SLX4: variants seen among roughly 807,000 people sequenced by gnomAD.
SLX4 encodes the protein structure-specific endonuclease subunit SLX4.
SLX4 carries 112 observed loss-of-function variants against 146.2 expected under a neutral mutation model. The observed-to-expected ratio is 0.77, with a 90% CI of 0.66 to 0.90. The LOEUF (loss-of-function observed/expected upper bound fraction) is 0.90. Among genes scored for constraint, SLX4 ranks in the 40% least tolerant of loss-of-function variants. The pLI is 0.00. For missense variants in SLX4, 2,563 were observed against 2,392.7 expected (o/e 1.07, Z -1.49); for synonymous variants, 1,061 against 997.7 (o/e 1.06, Z -1.20).
At chr16:3,582,785 G>T (rs2040455872) in intron 14 of SLX4, 92 bp from the exon 15 acceptor site, 2 of 1,204,802 alleles carry the variant, frequency 1.7e-6, no homozygotes, top group East Asian at 2.5e-5. Context: ...GTGTCTACGG[G>T]TCCCATGGAG....
chr16:3,590,933 T>C lies in SLX4; in HGVS notation c.2705A>G (p.Lys902Arg). Residue 902 changes from lysine (K) to arginine (R), a missense_variant, in exon 12 of 15, where the codon AAG becomes AGG. Physicochemically the swap from Lys to Arg is conservative, Grantham distance 26. Transcript: ENST00000294008. The surrounding 1 kb of genome is among the most constrained non-coding windows in gnomAD (Gnocchi z 4.8). ...AGVQVQKQWD[K>R]VEEMEPLEPG... ...CTCCAACGGCTCCATCTCCTCCACC[T>C]TGTCCCACTGTTTCTGCACCTGGAC... 1 of 1,614,138 alleles carries C rather than the reference T, an allele frequency of 6.2e-7. No individual in the cohort carries two copies.
chr16:3,596,767 C>T (rs952469564), intron 7 of SLX4, among the ~76,000 whole-genome samples: 6 of 151,950 alleles, frequency 3.9e-5, no homozygotes, highest in East Asian at 1.9e-4. Flanking sequence ...GTGTGTGCTC[C>T]GAATGCCAGT....
Position 3,596,067 on chromosome 16 carries a change from A to G in SLX4, c.1924+86T>C, listed in dbSNP as rs1319556162. ...GTCAGAGCTGCCGTCGCGGCGGCAC[A>G]AGAGCCAGTCCATGGCAGCCTCAGC... On this transcript the variant is annotated intron_variant, in intron 8 of 14. Transcript: ENST00000294008. 2.7e-6 allele frequency: 4 copies of G among 1,493,342 alleles called. No individual in the cohort carries two copies. In the East Asian group the frequency reaches 7.4e-5, roughly 28 times the overall value. 92.5% of individuals were successfully genotyped at this position (1,493,342 alleles called of 1,614,324 possible).
chr16:3,593,012 T>A (rs2040611126), intron 10 of SLX4, 147 bp from the exon 11 acceptor site: 2 of 746,920 alleles, frequency 2.7e-6, no homozygotes. Flanking sequence ...CAGGCTAGAG[T>A]ACAGTGGTGT....
intron 5 of SLX4, among the ~76,000 whole-genome samples, chr16:3,600,164 T>C (rs1164732202): frequency 6.6e-6 from 1 of 152,166 alleles, no homozygotes. Flanking sequence ...TAAGGAGAGC[T>C]CAACCTAGAT....
intron 4 of SLX4, 134 bp downstream of exon 4, chr16:3,601,984 A>T: frequency 3.1e-6 from 3 of 982,028 alleles, no homozygotes; most frequent in Non-Finnish European, 4.7e-6. Flanking sequence ...AGTTATTTTT[A>T]AAAAGGGGTA....
At chr16:3,608,154 C>CT (rs1284125876) in intron 2 of SLX4, among the ~76,000 whole-genome samples, 1 of 152,140 alleles carries the variant, frequency 6.6e-6, no homozygotes, top group Admixed American at 6.5e-5. Context: ...ACCTCCAGCT[C>CT]TAAATTTTTT....
In SLX4 at chr16:3,589,379, G is replaced by C. The variant is rs756605546; in HGVS notation, c.4259C>G (p.Pro1420Arg). Reference sequence around the variant, plus strand: ...CCAGCAGCAGTCGTCAATTGGAATTGGGGGGTCACTGTCCAGTGGGGGGCT... The same window carrying C: ...CCAGCAGCAGTCGTCAATTGGAATTCGGGGGTCACTGTCCAGTGGGGGGCT... ...NRSPPLDSDPPIPIDDCCWHM... is the reference protein window; with the variant it reads ...NRSPPLDSDPRIPIDDCCWHM... The change falls in exon 12 of 15, where the codon CCA (proline) becomes CGA (arginine). Residue 1420 changes from proline (P) to arginine (R), a missense_variant. Coordinates refer to ENST00000294008, the MANE Select transcript of SLX4 (RefSeq NM_032444.4). The surrounding 1 kb of genome is among the most constrained non-coding windows in gnomAD (Gnocchi z 6.2). 5 of 1,591,974 alleles carry C rather than the reference G, an allele frequency of 3.1e-6. No individual in the cohort carries two copies. The highest frequency in any genetic ancestry group is 4.3e-6 in the Non-Finnish European group (5 of 1,166,252).
chr16:3,589,804 G>C lies in SLX4; in HGVS notation c.3834C>G (p.Leu1278=). The change falls in exon 12 of 15, where the codon CTC becomes CTG. Residue 1278 remains leucine (L), a synonymous_variant. Coordinates refer to ENST00000294008, the MANE Select transcript of SLX4 (RefSeq NM_032444.4). The surrounding 1 kb of genome is among the most constrained non-coding windows in gnomAD (Gnocchi z 6.2). ...DCSSQTQISS[L]RSGLAVQAVT... is the part of the protein sequence containing the mutation. The stretch of plus-strand genomic sequence containing the variant: ...CCGCCTGCACGGCCAGCCCGCTCCT[G>C]AGGCTGCTGATTTGGGTCTGGGAAG... The C allele has an allele frequency of 6.2e-7, 1 of 1,613,408 alleles. No individual in the cohort carries two copies. The highest frequency in any genetic ancestry group is 8.5e-7 in the Non-Finnish European group (1 of 1,180,018).
chr16:3,602,157 G>A lies in SLX4; in HGVS notation c.911C>T (p.Ser304Leu), dbSNP rs764244769. The A allele has an allele frequency of 6.2e-7, 1 of 1,614,158 alleles. No homozygotes were observed. Among genetic ancestry groups the A allele is most frequent in the South Asian group, 1.1e-5 (1 of 91,078 alleles). The change falls in exon 4 of 15, where the codon TCA becomes TTA. Residue 304 changes from serine (S) to leucine (L), a missense_variant. Physicochemically the swap from Ser to Leu is moderately radical, Grantham distance 145. Coordinates refer to ENST00000294008, the MANE Select transcript of SLX4 (RefSeq NM_032444.4). ...FFCQICQKNL[S>L]AMNVTRREQH... ...TTCCCTTCGGGTCACGTTCATGGCTGAGAGGTTCTTTTGACAAATCTGGCA... is the reference window on the plus strand; with the variant it reads ...TTCCCTTCGGGTCACGTTCATGGCTAAGAGGTTCTTTTGACAAATCTGGCA...
rs200473811 is a variant in SLX4 at position 3,582,411 on chromosome 16, G to A, written c.5436C>T (p.Ala1812=). The change falls in exon 15 of 15, where the codon GCC becomes GCT. Residue 1812 remains alanine (A), a synonymous_variant. Transcript: ENST00000294008. Reference sequence around the variant, plus strand: ...TGCCCTGGAGCTTCTCCCTGCGGGTGGCGGCAGTGGTGAAGGTGATACAGT... The same window carrying A: ...TGCCCTGGAGCTTCTCCCTGCGGGTAGCGGCAGTGGTGAAGGTGATACAGT... The part of the protein sequence containing the change: ...DTHCITFTTA[A]TRREKLQGRR... 1.1e-5 allele frequency: 18 copies of A among 1,613,896 alleles called. No individual in the cohort carries two copies. In the East Asian group the frequency reaches 3.6e-4, roughly 32 times the overall value.
In SLX4 at chr16:3,608,725, G is replaced by C; in HGVS notation, c.240C>G (p.Ala80=). 1 of 1,614,154 alleles carries C rather than the reference G, an allele frequency of 6.2e-7. No homozygotes were observed. The highest frequency in any genetic ancestry group is 1.3e-5 in the African/African-American group (1 of 75,034). Residue 80 remains alanine, a synonymous_variant, in exon 2 of 15, where the codon GCC becomes GCG. Transcript: ENST00000294008. ...VSGERKTQKA[A]SNGTQIRSKL... ...TGCTTCTTATCTGAGTGCCGTTTGA[G>C]GCAGCCTTTTGTGTCTTCCTTTCTC... is the stretch of plus-strand genomic sequence containing the variant.
chr16:3,610,865 G>A (rs2040856086), intron 1 of SLX4, among the ~76,000 whole-genome samples: 1 of 152,182 alleles, frequency 6.6e-6, no homozygotes, highest in African/African-American at 2.4e-5. Context: ...AAACGCTGCG[G>A]GGAGAGGAAA....
rs761658695 is a variant in SLX4, at chr16:3,589,280, C to T, written c.4358G>A (p.Ser1453Asn). ...GGCCTCGTTCATCCTGCGGCTGGGG[C>T]TGCTGGTGCTCAGGGGGCCGGTCCG... ...LERTGPLSTS[S>N]PSRRMNEAAD... Residue 1453 changes from serine (S) to asparagine (N), a missense_variant, in exon 12 of 15, where the codon AGC becomes AAC. Coordinates refer to ENST00000294008, the MANE Select transcript of SLX4 (RefSeq NM_032444.4). The surrounding 1 kb of genome is among the most constrained non-coding windows in gnomAD (Gnocchi z 6.2). 2 of 1,594,520 alleles carry T rather than the reference C, an allele frequency of 1.3e-6. No homozygotes were observed. The highest frequency in any genetic ancestry group is 1.7e-6 in the Non-Finnish European group (2 of 1,168,792).
rs571005004 is a variant in SLX4 at position 3,611,350 on chromosome 16, C to G, written c.-603+210G>C. 4.6e-5 allele frequency among the ~76,000 whole-genome samples: 7 copies of G among 152,374 alleles called. No homozygotes were observed. In the South Asian group the frequency reaches 6.2e-4, roughly 14 times the overall value. On this transcript the variant is annotated intron_variant, in intron 1 of 14. Transcript: ENST00000294008. ...ACCGTGGGGATCCGGATCCGCCACC[C>G]TCCTCCCTCCAGGCGGGCCCCGGCC...
At chr16:3,592,896 C>T in intron 10 of SLX4, 31 bp from the exon 11 acceptor site, 1 of 1,596,906 alleles carries the variant, frequency 6.3e-7, no homozygotes, top group Non-Finnish European at 8.5e-7. Context: ...AGAGGGTTTA[C>T]TGATCAGAGA....
chr16:3,596,462 C>G, intron 7 of SLX4, 69 bp from the exon 8 acceptor site: 1 of 1,506,734 alleles, frequency 6.6e-7, no homozygotes, highest in Non-Finnish European at 8.9e-7. Flanking sequence ...CAGAAGCCAT[C>G]ACATGTGGTA....
At position 3,595,647 on chromosome 16, in the gene SLX4, C is replaced by T. The variant is rs764100199; in HGVS notation, c.1971G>A (p.Val657=). The T allele has an allele frequency of 6.2e-7, 1 of 1,614,064 alleles. No individual in the cohort carries two copies. The change falls in exon 9 of 15, where the codon GTG becomes GTA. Residue 657 remains valine, a synonymous_variant. Transcript: ENST00000294008. ...TGTCCGGGTGCTTGTCCTGCGATGGCACCACAAACCCAGTCAGAGGAAGGC... is the reference window on the plus strand; with the variant it reads ...TGTCCGGGTGCTTGTCCTGCGATGGTACCACAAACCCAGTCAGAGGAAGGC... ...PGGLPLTGFV[V]PSQDKHPDRG... is the part of the protein sequence containing the mutation.
chr16:3,593,173 C>T (rs997949174), intron 10 of SLX4, among the ~76,000 whole-genome samples: 3 of 152,054 alleles, frequency 2.0e-5, no homozygotes, highest in East Asian at 1.9e-4. Context: ...TCGGTTCCAG[C>T]GTATTCTCCT....
Sources: gnomAD v4.1 joint callset for allele counts (sites outside exome capture counted in the v4.1 genomes callset) on GRCh38, gnomAD v4.1.1 for gene constraint, Gnocchi (gnomAD v3.1) non-coding constraint, MANE v1.5 for transcripts, NCBI Gene and HGNC (gene_info 2026-07-23, HGNC 2026-07-21) for gene names.